Variants in GRIA4 observed in about 807,000 individuals in gnomAD.
GRIA4 encodes glutamate ionotropic receptor AMPA type subunit 4, also known as glutamate receptor 4.
In GRIA4, 34 loss-of-function variants were observed where a neutral mutation model predicts 104.0. The observed-to-expected ratio is 0.33, with a 90% CI of 0.25 to 0.44. GRIA4 has a LOEUF of 0.44. Among genes scored for constraint, GRIA4 ranks in the 20% least tolerant of loss-of-function variants. GRIA4 has a pLI of 1.00. For missense variants in GRIA4, 750 were observed against 1,096.5 expected, an observed-to-expected ratio of 0.68 and a Z score of 4.46; for synonymous variants, 386 against 381.9, an observed-to-expected ratio of 1.01 and a Z score of -0.13.
intron 16 of GRIA4, among the ~76,000 whole-genome samples, 168 bp from the exon 17 acceptor site, chr11:105,979,402 TAGTTA>T (rs1371371496): frequency 2.0e-5 from 3 of 152,238 alleles, no homozygotes; most frequent in African/African-American, 7.2e-5. Flanking sequence ...TTCTTCGGTG[TAGTTA>T]AGCTTTCCTT....
Position 105,722,773 on chromosome 11 carries a change from C to T in GRIA4, c.248-30208C>T, listed in dbSNP as rs537257808. Among the ~76,000 whole-genome samples, 34 of 151,888 alleles carry T rather than the reference C, an allele frequency of 2.2e-4. 2 individuals are homozygous for T. The highest frequency in any genetic ancestry group is 8.0e-4 in the African/African-American group (33 of 41,468). On this transcript the variant is annotated intron_variant, in intron 3 of 16. Coordinates refer to ENST00000282499, the MANE Select transcript of GRIA4 (RefSeq NM_000829.4). ...ATTTTATTAAGATGTAAATATACTC[C>T]ATGTCCATTGTATTACATACATAAA...
At chr11:105,844,811 C>CT (rs1944524858) in intron 4 of GRIA4, among the ~76,000 whole-genome samples, 1 of 152,192 alleles carries the variant, frequency 6.6e-6, no homozygotes. Context: ...CTATTGCACA[C>CT]ACACAAACAC....
intron 3 of GRIA4, among the ~76,000 whole-genome samples, chr11:105,731,238 A>G (rs1938568214): frequency 6.6e-6 from 1 of 152,232 alleles, no homozygotes. Context: ...ACGCTTTTCA[A>G]AAGAAGACAT....
chr11:105,931,201 T>C (rs1319177257), intron 13 of GRIA4, among the ~76,000 whole-genome samples: 3 of 151,938 alleles, frequency 2.0e-5, no homozygotes, highest in East Asian at 1.9e-4. Context: ...TGGAAGGATA[T>C]AGAATCACTG....
chr11:105,953,343 T>C (rs1948504060), intron 14 of GRIA4, among the ~76,000 whole-genome samples: 2 of 152,176 alleles, frequency 1.3e-5, no homozygotes, highest in African/African-American at 2.4e-5. Context: ...TCTGGGGTTG[T>C]TGTAAATTCT....
intron 3 of GRIA4, among the ~76,000 whole-genome samples, chr11:105,735,014 C>T (rs753054824): frequency 3.9e-5 from 6 of 152,090 alleles, no homozygotes; most frequent in African/African-American, 9.7e-5. Flanking sequence ...GTTCTAGTTT[C>T]GCATATTCTC....
At position 105,755,024 on chromosome 11, in the gene GRIA4, T is replaced by C. The variant is rs189076624; in HGVS notation, c.487+1804T>C. 6.6e-5 allele frequency among the ~76,000 whole-genome samples: 10 copies of C among 152,314 alleles called. No individual in the cohort carries two copies. In the East Asian group the frequency reaches 1.9e-3, roughly 29 times the overall value. On this transcript the variant is annotated intron_variant, in intron 4 of 16. Transcript: ENST00000282499. The stretch of plus-strand genomic sequence containing the variant: ...GCATTTTTTTTACAAAACTATATTC[T>C]ACATATTGCATAACATATTTTCAGA...
chr11:105,970,707 A>G (rs945074816), intron 14 of GRIA4, among the ~76,000 whole-genome samples: 3 of 152,178 alleles, frequency 2.0e-5, no homozygotes, highest in African/African-American at 7.2e-5. Context: ...AGCATTTCCT[A>G]GAAGAACTGA....
chr11:105,979,444 C>A (rs1035133353), intron 16 of GRIA4, 131 bp from the exon 17 acceptor site: 2 of 787,688 alleles, frequency 2.5e-6, no homozygotes, highest in Non-Finnish European at 2.1e-6. Context: ...TTTCATATGA[C>A]CAAAAGAACA....
chr11:105,612,393 A>G lies in GRIA4; in HGVS notation c.206A>G (p.Asp69Gly). 1 of 1,614,128 alleles carries G rather than the reference A, an allele frequency of 6.2e-7. No individual in the cohort carries two copies. The change falls in exon 3 of 17, where the codon GAC (aspartate) becomes GGC (glycine). Residue 69 changes from aspartate (D) to glycine (G), a missense_variant. Asp to Gly is a moderately conservative substitution (Grantham distance 94, BLOSUM62 -1). Transcript: ENST00000282499. Reference sequence around the variant, plus strand: ...CCTTTTAATTTGGTACCTCATGTGGACAACATTGAGACAGCCAACAGTTTT... The same window carrying G: ...CCTTTTAATTTGGTACCTCATGTGGGCAACATTGAGACAGCCAACAGTTTT... ...EAPFNLVPHV[D>G]NIETANSFAV...
intron 3 of GRIA4, among the ~76,000 whole-genome samples, chr11:105,745,123 T>C (rs1939565330): frequency 6.6e-6 from 1 of 152,118 alleles, no homozygotes; most frequent in Non-Finnish European, 1.5e-5. Flanking sequence ...AATCTCTCTT[T>C]TCTTGTGCTA....
At chr11:105,700,200 G>A (rs1953436061) in intron 3 of GRIA4, among the ~76,000 whole-genome samples, 1 of 152,172 alleles carries the variant, frequency 6.6e-6, no homozygotes. Flanking sequence ...AAACATTTTT[G>A]ATAACCATTG....
chr11:105,723,826 A>T (rs1259454895), intron 3 of GRIA4, among the ~76,000 whole-genome samples: 3 of 152,140 alleles, frequency 2.0e-5, no homozygotes, highest in South Asian at 4.1e-4. Context: ...ATTTATAATG[A>T]ACTCAATGCA....
At chr11:105,665,202 G>A (rs1373046458) in intron 3 of GRIA4, among the ~76,000 whole-genome samples, 2 of 151,824 alleles carry the variant, frequency 1.3e-5, no homozygotes, top group Non-Finnish European at 2.9e-5. Flanking sequence ...TTCATTTTAT[G>A]AGAGTCAAAT....
At chr11:105,783,419 A>T (rs1290990157) in intron 4 of GRIA4, among the ~76,000 whole-genome samples, 1 of 152,238 alleles carries the variant, frequency 6.6e-6, no homozygotes, top group Non-Finnish European at 1.5e-5. Flanking sequence ...ACTGGGAATT[A>T]TCCAATTGCA....
chr11:105,657,623 T>G (rs12294986), intron 3 of GRIA4, among the ~76,000 whole-genome samples: 78,499 of 151,490 alleles, frequency 0.52, 20,596 homozygotes, highest in Admixed American at 0.61. Flanking sequence ...TGAAAGGCAT[T>G]GCTTTTTAGT....
intron 14 of GRIA4, among the ~76,000 whole-genome samples, chr11:105,944,492 A>T (rs183075095): frequency 6.6e-6 from 1 of 152,156 alleles, no homozygotes; most frequent in East Asian, 1.9e-4. Context: ...GGTAACTAGG[A>T]CCTGATTCTA....
At chr11:105,958,068 T>C (rs1380100253) in intron 14 of GRIA4, among the ~76,000 whole-genome samples, 1 of 152,172 alleles carries the variant, frequency 6.6e-6, no homozygotes, top group African/African-American at 2.4e-5. Flanking sequence ...CAGGGACAAT[T>C]TGACTTCCTC....
chr11:105,938,288 T>TA lies in GRIA4; in HGVS notation c.2294+4320dup, dbSNP rs559979412. Reference sequence around the variant, plus strand: ...GTACTTAGAAGGTTTGTGAAGTACTTAGACGGTTTAGGAAAAAGCAGTTTG... The same window carrying TA: ...GTACTTAGAAGGTTTGTGAAGTACTTAAGACGGTTTAGGAAAAAGCAGTTTG... On this transcript the variant is annotated intron_variant, in intron 14 of 16. Transcript: ENST00000282499. Among the ~76,000 whole-genome samples, 274 of 152,338 alleles carry TA rather than the reference T, an allele frequency of 1.8e-3. 1 individual carries two copies. The highest frequency in any genetic ancestry group is 8.3e-3 in the South Asian group (40 of 4,826).
Sources: allele counts gnomAD v4.1 joint callset (sites outside exome capture counted in the v4.1 genomes callset), GRCh38; gene constraint gnomAD v4.1.1; transcripts MANE v1.5; gene names NCBI Gene and HGNC (gene_info 2026-07-23, HGNC 2026-07-21).